LCP2: variants seen among roughly 807,000 people sequenced by gnomAD.
The protein encoded by LCP2 is lymphocyte cytosolic protein 2, also known as 76 kDa tyrosine phosphoprotein.
A neutral mutation model predicts 74.5 loss-of-function variants in LCP2; 29 were observed. The observed-to-expected ratio is 0.39, with a 90% CI of 0.29 to 0.53. The LOEUF (loss-of-function observed/expected upper bound fraction) is 0.53, where lower values mean the gene tolerates loss of function less well. Among genes scored for constraint, LCP2 ranks in the 20% least tolerant of loss-of-function variants. The pLI is 0.72. For missense variants in LCP2, 604 were observed against 634.6 expected, an observed-to-expected ratio of 0.95 and a Z score of 0.52; for synonymous variants, 228 against 229.5, an observed-to-expected ratio of 0.99 and a Z score of 0.06.
chr5:170,291,030 A>T (rs1467548451), intron 2 of LCP2, among the ~76,000 whole-genome samples: 2 of 146,540 alleles, frequency 1.4e-5, no homozygotes, highest in African/African-American at 5.1e-5. Flanking sequence ...GAAAGAGAGA[A>T]AGAAAGAGAG....
At chr5:170,255,778 G>C (rs1360364676) in intron 17 of LCP2, among the ~76,000 whole-genome samples, 1 of 152,146 alleles carries the variant, frequency 6.6e-6, no homozygotes, top group Non-Finnish European at 1.5e-5. Flanking sequence ...AGAAACTCAG[G>C]CCTCACCCCA....
chr5:170,283,845 T>C (rs1762142055), intron 3 of LCP2, among the ~76,000 whole-genome samples: 1 of 152,190 alleles, frequency 6.6e-6, no homozygotes, highest in Non-Finnish European at 1.5e-5. Flanking sequence ...ATCCCTCCTA[T>C]TTCAAGATTT....
At chr5:170,260,591 A>T (rs2113163277) in intron 14 of LCP2, among the ~76,000 whole-genome samples, 1 of 152,304 alleles carries the variant, frequency 6.6e-6, no homozygotes, top group Non-Finnish European at 1.5e-5. Flanking sequence ...CCTAGGATGG[A>T]GATAGTTCTT....
chr5:170,268,376 G>A lies in LCP2; in HGVS notation c.621+9C>T. 1.5e-6 allele frequency: 1 copy of A among 660,016 alleles called. No homozygotes were observed. The highest frequency in any genetic ancestry group is 2.0e-6 in the Non-Finnish European group (1 of 489,256). 40.9% of individuals were successfully genotyped at this position (660,016 alleles called of 1,614,324 possible). A position where few individuals can be genotyped will look rare whatever the true frequency, so the allele number is the denominator to read the frequency against. On this transcript the variant is annotated intron_variant, in intron 8 of 20. Coordinates refer to ENST00000046794, the MANE Select transcript of LCP2 (RefSeq NM_005565.5). ...ACCAAGTACTGTAAAAGAACGGGAGGAGGCCTACCGAGTGATTCCGGCCGG... is the reference window on the plus strand; with the variant it reads ...ACCAAGTACTGTAAAAGAACGGGAGAAGGCCTACCGAGTGATTCCGGCCGG...
chr5:170,257,082 G>C (rs1221078971), intron 16 of LCP2, among the ~76,000 whole-genome samples: 2 of 152,108 alleles, frequency 1.3e-5, no homozygotes, highest in African/African-American at 4.8e-5. Context: ...TGGGGAGGCG[G>C]GCCCAGAGGG....
At chr5:170,265,551 T>C (rs1199899691) in intron 10 of LCP2, among the ~76,000 whole-genome samples, 1 of 152,252 alleles carries the variant, frequency 6.6e-6, no homozygotes, top group African/African-American at 2.4e-5. Flanking sequence ...TCTCGGCTCG[T>C]GGTAGTGAGC....
At chr5:170,289,119 T>C (rs1157885840) in intron 2 of LCP2, among the ~76,000 whole-genome samples, 3 of 152,164 alleles carry the variant, frequency 2.0e-5, no homozygotes, top group Non-Finnish European at 4.4e-5. Context: ...AGCCTCAGTT[T>C]CCTTATCTGT....
At chr5:170,282,008 G>A (rs899349764) in intron 3 of LCP2, among the ~76,000 whole-genome samples, 4 of 152,190 alleles carry the variant, frequency 2.6e-5, no homozygotes, top group African/African-American at 4.8e-5. Flanking sequence ...GTTGTCAGCT[G>A]TACCATGAGG....
At chr5:170,258,373 A>G in intron 15 of LCP2, 2 of 511,002 alleles carry the variant, frequency 3.9e-6, no homozygotes, top group South Asian at 7.0e-5. Context: ...CCATTTACAA[A>G]GGGGCGCAGA....
chr5:170,285,663 C>T (rs1762171648), intron 3 of LCP2, among the ~76,000 whole-genome samples: 1 of 152,212 alleles, frequency 6.6e-6, no homozygotes, highest in Non-Finnish European at 1.5e-5. Flanking sequence ...GTTTTCCAGC[C>T]AGGCTGGTAG....
chr5:170,293,094 T>C (rs375545168), intron 2 of LCP2, among the ~76,000 whole-genome samples: 2 of 152,228 alleles, frequency 1.3e-5, no homozygotes, highest in African/African-American at 2.4e-5. Flanking sequence ...TTACTATACT[T>C]GGATTCCTCC....
chr5:170,284,714 A>G (rs12520395), intron 3 of LCP2, among the ~76,000 whole-genome samples: 22 of 147,752 alleles, frequency 1.5e-4, no homozygotes, highest in Admixed American at 1.5e-3. Flanking sequence ...CTTTAGATAT[A>G]TATTTGGTTC....
In LCP2 at chr5:170,286,471, A is replaced by G. The variant is rs557432659; in HGVS notation, c.188+1499T>C. Among the ~76,000 whole-genome samples, 3 of 152,368 alleles carry G rather than the reference A, an allele frequency of 2.0e-5. No individual in the cohort carries two copies. In the South Asian group the frequency reaches 6.2e-4, roughly 32 times the overall value. ...CAAAGAACTATGGTTTATCTCTACA[A>G]CATCACATTTCTGCAATCATAGAAA... is the stretch of plus-strand genomic sequence containing the variant. On this transcript the variant is annotated intron_variant, in intron 3 of 20. Transcript: ENST00000046794.
chr5:170,276,683 T>A (rs910191927), intron 3 of LCP2, among the ~76,000 whole-genome samples: 1 of 152,072 alleles, frequency 6.6e-6, no homozygotes, highest in Non-Finnish European at 1.5e-5. Context: ...TCCATTCCAA[T>A]CTCTCAGATA....
rs1761592215 is a variant in LCP2 at position 170,258,174 on chromosome 5, G to A, written c.971-8C>T. On this transcript the variant is annotated splice_region_variant and splice_polypyrimidine_tract_variant and intron_variant, in intron 15 of 20. Coordinates refer to ENST00000046794, the MANE Select transcript of LCP2 (RefSeq NM_005565.5). ...GCAAAGGTCTCTGATGCACTGTGCA[G>A]AAGTAGAAAACAATGAATGAGATTG... 1 of 1,613,752 alleles carries A rather than the reference G, an allele frequency of 6.2e-7. No homozygotes were observed. Among genetic ancestry groups the A allele is most frequent in the Non-Finnish European group, 8.5e-7 (1 of 1,179,702 alleles).
At chr5:170,291,267 AC>A (rs2054805831) in intron 2 of LCP2, among the ~76,000 whole-genome samples, 1 of 152,038 alleles carries the variant, frequency 6.6e-6, no homozygotes, top group African/African-American at 2.4e-5. Context: ...AGGGCCTTTC[AC>A]TTTTGCCTTC....
At chr5:170,291,293 C>T (rs953089705) in intron 2 of LCP2, among the ~76,000 whole-genome samples, 46 of 151,872 alleles carry the variant, frequency 3.0e-4, no homozygotes, top group African/African-American at 1.1e-3. Context: ...GCAGAGTGGC[C>T]CTGGATATTA....
At chr5:170,290,394 A>C (rs1387172387) in intron 2 of LCP2, among the ~76,000 whole-genome samples, 1 of 152,184 alleles carries the variant, frequency 6.6e-6, no homozygotes, top group African/African-American at 2.4e-5. Context: ...TGTTCAAAAT[A>C]TTTAACTCTC....
chr5:170,251,516 A>C, intron 19 of LCP2: 1 of 354,778 alleles, frequency 2.8e-6, no homozygotes, highest in Non-Finnish European at 5.8e-6. Context: ...TACTGTAAAG[A>C]TCTAATATTA....
Sources: gnomAD v4.1 joint callset for allele counts (sites outside exome capture counted in the v4.1 genomes callset) on GRCh38, gnomAD v4.1.1 for gene constraint, MANE v1.5 for transcripts, NCBI Gene and HGNC (gene_info 2026-07-23, HGNC 2026-07-21) for gene names.